USP25: variants seen among roughly 807,000 people sequenced by gnomAD.
The protein encoded by USP25 is ubiquitin specific peptidase 25.
USP25 carries 85 observed loss-of-function variants against 158.5 expected under a neutral mutation model. The ratio of observed to expected loss-of-function variants is 0.54; its 90% CI spans 0.45 to 0.64. The LOEUF (loss-of-function observed/expected upper bound fraction) is 0.64, where lower values mean the gene tolerates loss of function less well. USP25 is among the 30% of genes least tolerant of loss of function. The pLI is 0.00. For synonymous variants in USP25, 464 were observed against 460.4 expected (o/e 1.01, Z -0.10); for missense variants, 1,242 against 1,327.3 (o/e 0.94, Z 1.00).
intron 20 of USP25, among the ~76,000 whole-genome samples, chr21:15,851,315 G>A (rs2038877355): frequency 6.6e-6 from 1 of 152,052 alleles, no homozygotes; most frequent in Non-Finnish European, 1.5e-5. Context: ...TAAGCCCCCA[G>A]TGGATAATGA....
At chr21:15,805,895 A>C (rs1162744472) in intron 7 of USP25, among the ~76,000 whole-genome samples, 1 of 152,232 alleles carries the variant, frequency 6.6e-6, no homozygotes, top group East Asian at 1.9e-4. Context: ...TCAAAAAGCC[A>C]CTAAGCTTGC....
rs1159374690 is a variant in USP25, at chr21:15,827,081, A to G, written c.1571A>G (p.Gln524Arg). ...SRSVIHKPFT[Q>R]SRIPPDLPMH... is the part of the protein sequence containing the mutation. Reference sequence around the variant, plus strand: ...TCAGTAATACACAAACCATTTACTCAGTCCCGGATACCTCCAGATTTGCCC... The same window carrying G: ...TCAGTAATACACAAACCATTTACTCGGTCCCGGATACCTCCAGATTTGCCC... The change falls in exon 14 of 26, where the codon CAG (glutamine) becomes CGG (arginine). Residue 524 changes from glutamine to arginine, a missense_variant. Gln to Arg is a conservative substitution (Grantham distance 43, BLOSUM62 1). Coordinates refer to ENST00000400183, the MANE Select transcript of USP25 (RefSeq NM_001283041.3). 2 of 1,614,192 alleles carry G rather than the reference A, an allele frequency of 1.2e-6. No individual in the cohort carries two copies. The highest frequency in any genetic ancestry group is 2.2e-5 in the South Asian group (2 of 91,082).
intron 1 of USP25, among the ~76,000 whole-genome samples, chr21:15,747,929 A>G (rs2032693487): frequency 6.6e-6 from 1 of 152,178 alleles, no homozygotes; most frequent in African/African-American, 2.4e-5. Context: ...TATTCTCTTT[A>G]TGTACTTTCA....
Position 15,856,103 on chromosome 21 carries a change from G to A in USP25, c.2547+6231G>A, listed in dbSNP as rs905415719. Among the ~76,000 whole-genome samples, 6 of 152,164 alleles carry A rather than the reference G, an allele frequency of 3.9e-5. No homozygotes were observed. In the East Asian group the frequency reaches 7.7e-4, roughly 20 times the overall value. ...TATGCAGGGCATTGTCCTAAATCCAGGGATGTAGCTGGGATAATGATGGAC... is the reference window on the plus strand; with the variant it reads ...TATGCAGGGCATTGTCCTAAATCCAAGGATGTAGCTGGGATAATGATGGAC... On this transcript the variant is annotated intron_variant, in intron 20 of 25. Coordinates refer to ENST00000400183, the MANE Select transcript of USP25 (RefSeq NM_001283041.3).
At chr21:15,742,734 A>T (rs770343938) in intron 1 of USP25, among the ~76,000 whole-genome samples, 1 of 152,214 alleles carries the variant, frequency 6.6e-6, no homozygotes, top group Non-Finnish European at 1.5e-5. Context: ...TATCGGTGCC[A>T]CTTCACCAGC....
At chr21:15,846,145 TATATATATATATA>T (rs1352270696) in intron 18 of USP25, among the ~76,000 whole-genome samples, 781 of 68,270 alleles carry the variant, frequency 0.011, 44 homozygotes, top group African/African-American at 0.052. Flanking sequence ...TATATATATA[TATATATATATATA>T]TTTTTTTTTT....
At chr21:15,819,457 C>T (rs1230157322) in intron 10 of USP25, among the ~76,000 whole-genome samples, 4 of 152,102 alleles carry the variant, frequency 2.6e-5, no homozygotes, top group Non-Finnish European at 5.9e-5. Flanking sequence ...GGAGTTTTGG[C>T]ACTGTAATAG....
intron 1 of USP25, among the ~76,000 whole-genome samples, chr21:15,755,885 C>G (rs144821896): frequency 6.6e-6 from 1 of 152,114 alleles, no homozygotes; most frequent in East Asian, 1.9e-4. Context: ...AGGATGCAGG[C>G]AATTTTAGAG....
At chr21:15,739,025 G>C (rs1023096550) in intron 1 of USP25, among the ~76,000 whole-genome samples, 2 of 152,146 alleles carry the variant, frequency 1.3e-5, no homozygotes, top group African/African-American at 4.8e-5. Flanking sequence ...CTCACCCCGG[G>C]AGCTCGGCTC....
Position 15,766,570 on chromosome 21 carries a change from A to G in USP25, c.268+429A>G, listed in dbSNP as rs968589018. The stretch of plus-strand genomic sequence containing the variant: ...TTCCCTTTCCCCCTGCTTCCAAATA[A>G]AGCTTTGGCAAAGAAGTTTATTATT... On this transcript the variant is annotated intron_variant, in intron 3 of 25. Transcript: ENST00000400183. The surrounding 1 kb of genome is among the most constrained non-coding windows in gnomAD (Gnocchi z 4.0). 6.6e-6 allele frequency among the ~76,000 whole-genome samples: 1 copy of G among 152,020 alleles called. No homozygotes were observed. Among genetic ancestry groups the G allele is most frequent in the Admixed American group, 6.6e-5 (1 of 15,232 alleles).
At chr21:15,874,700 T>C (rs1338359512) in intron 24 of USP25, among the ~76,000 whole-genome samples, 174 bp downstream of exon 24, 1 of 152,200 alleles carries the variant, frequency 6.6e-6, no homozygotes, top group Non-Finnish European at 1.5e-5. Flanking sequence ...ACTTTATTCT[T>C]TTCTCTTTAT....
chr21:15,746,695 C>T (rs981824502), intron 1 of USP25, among the ~76,000 whole-genome samples: 1 of 152,168 alleles, frequency 6.6e-6, no homozygotes, highest in African/African-American at 2.4e-5. Context: ...TGCACCCTGC[C>T]AGTGGTTTTT....
chr21:15,835,310 T>C (rs1464690602), intron 17 of USP25, among the ~76,000 whole-genome samples: 1 of 152,202 alleles, frequency 6.6e-6, no homozygotes, highest in African/African-American at 2.4e-5. Context: ...TCCTGTCTGT[T>C]TCTCATCTCT....
intron 25 of USP25, 54 bp downstream of exon 25, chr21:15,878,045 A>G: frequency 7.1e-7 from 1 of 1,409,868 alleles, no homozygotes; most frequent in Non-Finnish European, 9.7e-7. Context: ...AAATGCAGTT[A>G]GAATTAGATG....
chr21:15,761,279 A>G (rs1302113067), intron 1 of USP25, among the ~76,000 whole-genome samples: 1 of 152,222 alleles, frequency 6.6e-6, no homozygotes, highest in Non-Finnish European at 1.5e-5. Context: ...CTGTTGTTAC[A>G]GTAGGTAGCT....
At chr21:15,808,709 A>G (rs2036512514) in intron 7 of USP25, 100 bp from the exon 8 acceptor site, 3 of 722,882 alleles carry the variant, frequency 4.2e-6, no homozygotes, top group Non-Finnish European at 4.3e-6. Context: ...AGGAGTTGGT[A>G]ATTATATATT....
At chr21:15,748,454 GTTTTTTTTT>G (rs71331787) in intron 1 of USP25, among the ~76,000 whole-genome samples, 1 of 78,994 alleles carries the variant, frequency 1.3e-5, no homozygotes, top group Non-Finnish European at 2.4e-5. Flanking sequence ...CTACTTTTTA[GTTTTTTTTT>G]TTTTTTTTTT....
intron 9 of USP25, among the ~76,000 whole-genome samples, chr21:15,813,333 T>G (rs1164183701): frequency 6.6e-6 from 1 of 152,246 alleles, no homozygotes; most frequent in Non-Finnish European, 1.5e-5. Context: ...TACTGTCACA[T>G]TAATGAAACT....
At chr21:15,785,201 A>G (rs925309411) in intron 4 of USP25, among the ~76,000 whole-genome samples, 1 of 152,238 alleles carries the variant, frequency 6.6e-6, no homozygotes, top group South Asian at 2.1e-4. Flanking sequence ...ACCAAGAAGC[A>G]AAACTGTAAA....
Sources: allele counts gnomAD v4.1 joint callset (sites outside exome capture counted in the v4.1 genomes callset), GRCh38; gene constraint gnomAD v4.1.1; non-coding constraint Gnocchi (gnomAD v3.1); transcripts MANE v1.5; gene names NCBI Gene and HGNC (gene_info 2026-07-23, HGNC 2026-07-21).